RXFP1: variants seen among roughly 807,000 people sequenced by gnomAD.
RXFP1 encodes the protein relaxin receptor 1.
Under a neutral mutation model 89.8 loss-of-function variants are expected in RXFP1, and 73 were observed. That is an observed-to-expected ratio of 0.81 (90% CI 0.67 to 0.99). RXFP1 has a LOEUF of 0.99. Among genes scored for constraint, RXFP1 ranks in the 50% least tolerant of loss-of-function variants. The probability of loss-of-function intolerance (pLI) is 0.00; values close to 1 mark genes in which losing one functional copy is unlikely to be tolerated. For synonymous variants in RXFP1, 277 were observed against 305.5 expected, an observed-to-expected ratio of 0.91 and a Z score of 0.97; for missense variants, 793 against 895.5, an observed-to-expected ratio of 0.89 and a Z score of 1.46.
intron 10 of RXFP1, among the ~76,000 whole-genome samples, chr4:158,627,504 GGTGT>G (rs35872724): frequency 0.31 from 43,799 of 143,168 alleles, 7,771 homozygotes; most frequent in East Asian, 0.64. Flanking sequence ...TGAGCCTTAG[GGTGT>G]GTGTGTGTGT....
At chr4:158,583,042 T>C (rs1757676491) in intron 2 of RXFP1, among the ~76,000 whole-genome samples, 1 of 152,192 alleles carries the variant, frequency 6.6e-6, no homozygotes, top group African/African-American at 2.4e-5. Context: ...TCTAGCTGCC[T>C]AGGATAGGAA....
rs147242459 is a variant in RXFP1 at position 158,522,192 on chromosome 4, A to G, written c.49+167A>G. Among the ~76,000 whole-genome samples the G allele has an allele frequency of 1.3e-3, 199 of 152,340 alleles. 1 individual carries two copies. The highest frequency in any genetic ancestry group is 4.4e-3 in the African/African-American group (185 of 41,578). On this transcript the variant is annotated intron_variant, in intron 1 of 17. Transcript: ENST00000307765. ...TTCTTAGTATATGTCTGGTATTTGT[A>G]TTAAAGACCATAATATCTTATCATA...
chr4:158,596,316 T>A (rs956320333), intron 3 of RXFP1, among the ~76,000 whole-genome samples: 1 of 149,212 alleles, frequency 6.7e-6, no homozygotes, highest in African/African-American at 2.5e-5. Context: ...CAGACTGGAG[T>A]GCAATGGCGC....
chr4:158,562,884 T>C (rs1012056141), intron 1 of RXFP1, among the ~76,000 whole-genome samples: 3 of 152,128 alleles, frequency 2.0e-5, no homozygotes, highest in African/African-American at 4.8e-5. Context: ...ACTAAAGTAA[T>C]AGCTAGCTTG....
intron 1 of RXFP1, among the ~76,000 whole-genome samples, chr4:158,546,090 T>A (rs1199095275): frequency 6.6e-6 from 1 of 152,178 alleles, no homozygotes; most frequent in Non-Finnish European, 1.5e-5. Context: ...GAGCATGGAA[T>A]GTTCTTCCAT....
chr4:158,640,769 T>C (rs1770225312), intron 14 of RXFP1, among the ~76,000 whole-genome samples: 8 of 152,178 alleles, frequency 5.3e-5, no homozygotes, highest in Admixed American at 6.5e-5. Context: ...AAGGAATTTA[T>C]ATAGGCAATA....
chr4:158,588,667 A>G (rs181591024), intron 2 of RXFP1, among the ~76,000 whole-genome samples: 85 of 152,330 alleles, frequency 5.6e-4, no homozygotes, highest in Admixed American at 1.8e-3. Flanking sequence ...CTGGCTCTAC[A>G]GGAGGTGTGA....
intron 4 of RXFP1, among the ~76,000 whole-genome samples, chr4:158,604,028 G>T (rs186481062): frequency 3.1e-4 from 47 of 151,644 alleles, no homozygotes; most frequent in Non-Finnish European, 5.7e-4. Context: ...CATTGAGAGT[G>T]CATGGACTTC....
At chr4:158,628,173 T>C (rs1767278368) in intron 10 of RXFP1, among the ~76,000 whole-genome samples, 1 of 152,180 alleles carries the variant, frequency 6.6e-6, no homozygotes, top group Non-Finnish European at 1.5e-5. Context: ...GCATCCCAAA[T>C]TAGAGATTCT....
chr4:158,599,659 G>C (rs559267530), intron 4 of RXFP1, among the ~76,000 whole-genome samples: 1 of 152,128 alleles, frequency 6.6e-6, no homozygotes, highest in South Asian at 2.1e-4. Context: ...GCAAGGTATG[G>C]AGTGTCACCA....
chr4:158,551,178 T>C (rs1382887872), intron 1 of RXFP1, among the ~76,000 whole-genome samples: 16 of 152,312 alleles, frequency 1.1e-4, no homozygotes, highest in Non-Finnish European at 1.9e-4. Context: ...TGGATGAACC[T>C]AGACAGCATT....
chr4:158,598,417 A>G (rs1302052364), intron 3 of RXFP1, among the ~76,000 whole-genome samples: 1 of 152,136 alleles, frequency 6.6e-6, no homozygotes, highest in Admixed American at 6.5e-5. Context: ...GAGACACTGG[A>G]GTCTGTAACC....
intron 2 of RXFP1, among the ~76,000 whole-genome samples, chr4:158,583,853 C>T (rs935880444): frequency 6.6e-5 from 10 of 152,196 alleles, no homozygotes; most frequent in African/African-American, 2.4e-4. Context: ...GATAATGTCA[C>T]ATCCTTTGAT....
At chr4:158,624,745 C>T (rs1766362785) in intron 9 of RXFP1, among the ~76,000 whole-genome samples, 1 of 152,064 alleles carries the variant, frequency 6.6e-6, no homozygotes, top group Non-Finnish European at 1.5e-5. Flanking sequence ...AAACCCCTAA[C>T]TTTAGGAAGA....
rs920532531 is a variant in RXFP1, at chr4:158,556,875, A to T, written c.50-15823A>T. Among the ~76,000 whole-genome samples, 6 of 152,330 alleles carry T rather than the reference A, an allele frequency of 3.9e-5. No homozygotes were observed. In the East Asian group the frequency reaches 7.7e-4, roughly 20 times the overall value. On this transcript the variant is annotated intron_variant, in intron 1 of 17. Transcript: ENST00000307765. ...ATCGCATTCATATGTGAAATATTTTAAAAAGGTGATACCATAATATCATAG... is the reference window on the plus strand; with the variant it reads ...ATCGCATTCATATGTGAAATATTTTTAAAAGGTGATACCATAATATCATAG...
chr4:158,606,038 T>A (rs1762485391), intron 5 of RXFP1, among the ~76,000 whole-genome samples: 2 of 152,340 alleles, frequency 1.3e-5, no homozygotes, highest in South Asian at 4.1e-4. Context: ...TATTTCATAT[T>A]TGAAAATAGA....
chr4:158,630,397 A>G (rs1331974623), intron 11 of RXFP1, among the ~76,000 whole-genome samples: 2 of 152,246 alleles, frequency 1.3e-5, no homozygotes, highest in Non-Finnish European at 2.9e-5. Flanking sequence ...CAGCTGGATG[A>G]TCCAAAGTAT....
intron 1 of RXFP1, among the ~76,000 whole-genome samples, chr4:158,564,750 C>G (rs1471366379): frequency 6.6e-6 from 1 of 152,178 alleles, no homozygotes; most frequent in Non-Finnish European, 1.5e-5. Flanking sequence ...ACTTCTGTAA[C>G]TCTTTGGGCA....
intron 17 of RXFP1, among the ~76,000 whole-genome samples, chr4:158,650,415 C>A: frequency 7.1e-6 from 1 of 141,844 alleles, no homozygotes; most frequent in African/African-American, 2.9e-5. Context: ...ATGCATATAT[C>A]CTGTTAAATA....
Sources: allele counts gnomAD v4.1 joint callset (sites outside exome capture counted in the v4.1 genomes callset), GRCh38; gene constraint gnomAD v4.1.1; transcripts MANE v1.5; gene names NCBI Gene and HGNC (gene_info 2026-07-23, HGNC 2026-07-21).